Variants in ACVR1 observed in about 807,000 individuals in gnomAD.
The protein encoded by ACVR1 is activin A receptor type 1.
A neutral mutation model predicts 57.1 loss-of-function variants in ACVR1; 38 were observed. The ratio of observed to expected loss-of-function variants is 0.67; its 90% CI spans 0.51 to 0.87. The LOEUF (loss-of-function observed/expected upper bound fraction) is 0.87, where lower values mean the gene tolerates loss of function less well. Ranked by LOEUF, ACVR1 falls within the 40% of genes least tolerant of loss-of-function variation. The pLI, the probability that ACVR1 is intolerant of heterozygous loss-of-function variation, is 0.00. For missense variants in ACVR1, 463 were observed against 638.2 expected (o/e 0.73, Z 2.96); for synonymous variants, 212 against 228.1 (o/e 0.93, Z 0.63).
intron 3 of ACVR1, among the ~76,000 whole-genome samples, chr2:157,791,501 G>A (rs1012331641): frequency 1.3e-5 from 2 of 152,162 alleles, no homozygotes; most frequent in African/African-American, 4.8e-5. Flanking sequence ...ATAAAACAAT[G>A]AATACCTCCA....
intron 1 of ACVR1, among the ~76,000 whole-genome samples, chr2:157,825,278 A>G (rs1688304811): frequency 1.3e-5 from 2 of 151,582 alleles, no homozygotes; most frequent in South Asian, 4.2e-4. Context: ...CTTTCCCCCT[A>G]TTTTTCTAAT....
At chr2:157,864,536 T>A (rs1476200516) in intron 1 of ACVR1, among the ~76,000 whole-genome samples, 1 of 152,204 alleles carries the variant, frequency 6.6e-6, no homozygotes, top group African/African-American at 2.4e-5. Flanking sequence ...CTTGGCCAAA[T>A]TCCCATTAAA....
At chr2:157,817,996 C>T (rs1336522556) in intron 2 of ACVR1, among the ~76,000 whole-genome samples, 3 of 108,578 alleles carry the variant, frequency 2.8e-5, no homozygotes, top group Non-Finnish European at 4.3e-5. Flanking sequence ...AACGAGACTC[C>T]GTCTCAAAAA....
chr2:157,801,640 T>C (rs938928926), intron 2 of ACVR1, among the ~76,000 whole-genome samples: 1 of 152,236 alleles, frequency 6.6e-6, no homozygotes, highest in African/African-American at 2.4e-5. Flanking sequence ...GAGACTTTCA[T>C]TGATGATAGT....
At chr2:157,798,131 C>T (rs1293312044) in intron 3 of ACVR1, among the ~76,000 whole-genome samples, 1 of 152,106 alleles carries the variant, frequency 6.6e-6, no homozygotes, top group Non-Finnish European at 1.5e-5. Context: ...ATCAACTATC[C>T]CACCGAGCAT....
intron 3 of ACVR1, among the ~76,000 whole-genome samples, chr2:157,782,922 G>C (rs1351628216): frequency 2.0e-5 from 3 of 152,174 alleles, no homozygotes; most frequent in African/African-American, 7.2e-5. Flanking sequence ...CTGGTTTGGG[G>C]ATAAGGGGTT....
chr2:157,763,317 C>G (rs1685735773), intron 8 of ACVR1, among the ~76,000 whole-genome samples: 1 of 152,138 alleles, frequency 6.6e-6, no homozygotes, highest in African/African-American at 2.4e-5. Context: ...CAAAAATATA[C>G]ACATGGTCAC....
At chr2:157,857,783 T>G (rs1689586795) in intron 1 of ACVR1, among the ~76,000 whole-genome samples, 1 of 152,184 alleles carries the variant, frequency 6.6e-6, no homozygotes, top group Non-Finnish European at 1.5e-5. Context: ...GATTGTTGTG[T>G]CTAGAGAATA....
intron 9 of ACVR1, among the ~76,000 whole-genome samples, chr2:157,744,210 TGTATATCCATACAAA>T (rs1364486919): frequency 2.0e-5 from 3 of 152,230 alleles, no homozygotes; most frequent in African/African-American, 7.2e-5. Flanking sequence ...GTCTCTGGCA[TGTATATCCATACAAA>T]GAGCTATTTT....
chr2:157,871,025 T>C (rs541149836), intron 1 of ACVR1, among the ~76,000 whole-genome samples: 1 of 152,334 alleles, frequency 6.6e-6, no homozygotes, highest in African/African-American at 2.4e-5. Context: ...ATTGACTGTG[T>C]GGTCTAGGCC....
chr2:157,860,867 G>A (rs1418170288), intron 1 of ACVR1, among the ~76,000 whole-genome samples: 1 of 152,102 alleles, frequency 6.6e-6, no homozygotes, highest in African/African-American at 2.4e-5. Context: ...GAAGCATTCA[G>A]ATCACTGGGG....
At chr2:157,863,462 C>T (rs952259766) in intron 1 of ACVR1, among the ~76,000 whole-genome samples, 6 of 133,270 alleles carry the variant, frequency 4.5e-5, no homozygotes, top group East Asian at 5.3e-4. Context: ...TTTGGGAGGC[C>T]GAGGCCAGCG....
At chr2:157,875,102 A>C (rs1001984188) in intron 1 of ACVR1, 5 of 152,344 alleles carry the variant, frequency 3.3e-5, no homozygotes, top group Admixed American at 1.3e-4. Context: ...CCAGAGGCCC[A>C]CATCTCTTCT....
chr2:157,849,052 T>C (rs1689215692), intron 1 of ACVR1, among the ~76,000 whole-genome samples: 1 of 152,176 alleles, frequency 6.6e-6, no homozygotes, highest in South Asian at 2.1e-4. Flanking sequence ...TTCCAACCAA[T>C]CTCTTCTCAT....
chr2:157,794,420 TACAA>T (rs1171447483), intron 3 of ACVR1, among the ~76,000 whole-genome samples: 2 of 152,166 alleles, frequency 1.3e-5, no homozygotes, highest in African/African-American at 4.8e-5. Flanking sequence ...CATTTGCTAT[TACAA>T]ACTCTCTTCT....
At chr2:157,832,870 T>C (rs1193795299) in intron 1 of ACVR1, among the ~76,000 whole-genome samples, 1 of 152,198 alleles carries the variant, frequency 6.6e-6, no homozygotes, top group Non-Finnish European at 1.5e-5. Flanking sequence ...TTTGTGATAT[T>C]GCAACTCTTA....
chr2:157,841,242 G>A (rs1037842332), intron 1 of ACVR1, among the ~76,000 whole-genome samples: 1 of 152,050 alleles, frequency 6.6e-6, no homozygotes, highest in African/African-American at 2.4e-5. Flanking sequence ...AGAATACACA[G>A]GCTCAAAATT....
chr2:157,843,311 G>A (rs1295642616), intron 1 of ACVR1, among the ~76,000 whole-genome samples: 1 of 152,166 alleles, frequency 6.6e-6, no homozygotes, highest in Non-Finnish European at 1.5e-5. Flanking sequence ...TTTACTGTGG[G>A]TGACTTGGAA....
At chr2:157,774,433 G>T (rs1686195179) in intron 5 of ACVR1, among the ~76,000 whole-genome samples, 1 of 152,046 alleles carries the variant, frequency 6.6e-6, no homozygotes, top group Admixed American at 6.6e-5. Flanking sequence ...GGCGCAATCT[G>T]GGTTCACTGC....
Sources: allele counts gnomAD v4.1 joint callset (sites outside exome capture counted in the v4.1 genomes callset), GRCh38; gene constraint gnomAD v4.1.1; transcripts MANE v1.5; gene names NCBI Gene and HGNC (gene_info 2026-07-23, HGNC 2026-07-21).